KCNQ1: variants seen among roughly 807,000 people sequenced by gnomAD.
KCNQ1 encodes potassium voltage-gated channel subfamily Q member 1.
A neutral mutation model predicts 72.4 loss-of-function variants in KCNQ1; 49 were observed. That is an observed-to-expected ratio of 0.68 (90% CI 0.54 to 0.86). KCNQ1 has a LOEUF of 0.86. Among genes scored for constraint, KCNQ1 ranks in the 40% least tolerant of loss-of-function variants. The pLI, the probability that KCNQ1 is intolerant of heterozygous loss-of-function variation, is 0.00. For synonymous variants in KCNQ1, 450 were observed against 412.6 expected, an observed-to-expected ratio of 1.09 and a Z score of -1.10; for missense variants, 790 against 945.1, an observed-to-expected ratio of 0.84 and a Z score of 2.15.
Position 2,661,601 on chromosome 11 carries a change from C to A in KCNQ1, c.1394-360C>A, listed in dbSNP as rs1033489138. 1.6e-5 allele frequency: 9 copies of A among 579,140 alleles called. No homozygotes were observed. The highest frequency in any genetic ancestry group is 1.1e-4 in the African/African-American group (6 of 53,634). 35.9% of individuals were successfully genotyped at this position (579,140 alleles called of 1,614,324 possible). On this transcript the variant is annotated intron_variant, in intron 10 of 15. Coordinates refer to ENST00000155840, the MANE Select transcript of KCNQ1 (RefSeq NM_000218.3). This position sits in a 1 kb window ranked among gnomAD's most constrained non-coding sequence, Gnocchi z 5.9. ...GTGGGAGCTGTTGTCCCTTACCAGG[C>A]CTGTGCCTGTCACCTCTGTTTTATT...
At position 2,669,745 on chromosome 11, in the gene KCNQ1, C is replaced by T. The variant is rs1850147520; in HGVS notation, c.1514+7664C>T. 5.0e-6 allele frequency: 2 copies of T among 398,500 alleles called. No individual in the cohort carries two copies. Among genetic ancestry groups the T allele is most frequent in the Non-Finnish European group, 8.8e-6 (2 of 226,098 alleles). 24.7% of individuals were successfully genotyped at this position (398,500 alleles called of 1,614,324 possible). On this transcript the variant is annotated intron_variant, in intron 11 of 15. Coordinates refer to ENST00000155840, the MANE Select transcript of KCNQ1 (RefSeq NM_000218.3). This position sits in a 1 kb window ranked among gnomAD's most constrained non-coding sequence, Gnocchi z 5.6. ...CGGGGAAATGCCTGAAAATATTAGC[C>T]AGCATAGAATGTCTCTTTGTGATGG...
At chr11:2,799,094 A>G (rs1847205403) in intron 15 of KCNQ1, among the ~76,000 whole-genome samples, 1 of 152,238 alleles carries the variant, frequency 6.6e-6, no homozygotes, top group Non-Finnish European at 1.5e-5. Flanking sequence ...AACTAGGAAG[A>G]GGACACCAGC....
intron 10 of KCNQ1, chr11:2,615,026 A>G (rs1849038717): frequency 2.5e-6 from 1 of 398,266 alleles, no homozygotes. Context: ...ATCTGTGAAC[A>G]CAGGATGTAT....
At chr11:2,472,015 G>A (rs1846482688) in intron 1 of KCNQ1, among the ~76,000 whole-genome samples, 1 of 150,026 alleles carries the variant, frequency 6.7e-6, no homozygotes, top group African/African-American at 2.5e-5. Flanking sequence ...CATGTGTATA[G>A]GTGTATGTAT....
chr11:2,826,549 G>A lies in KCNQ1; in HGVS notation c.1795-21218G>A, dbSNP rs1057277929. ...CGCCCCCTCCTGCTGCTGCTTCCCC[G>A]AAGGCCTCCCCAGCAGACCTGCAGC... On this transcript the variant is annotated intron_variant, in intron 15 of 15. Coordinates refer to ENST00000155840, the MANE Select transcript of KCNQ1 (RefSeq NM_000218.3). The surrounding 1 kb of genome is among the most constrained non-coding windows in gnomAD (Gnocchi z 4.2). 5.3e-5 allele frequency among the ~76,000 whole-genome samples: 8 copies of A among 152,198 alleles called. No homozygotes were observed. Among genetic ancestry groups the A allele is most frequent in the Non-Finnish European group, 8.8e-5 (6 of 68,028 alleles).
intron 11 of KCNQ1, chr11:2,685,346 G>A: frequency 2.5e-6 from 1 of 398,674 alleles, no homozygotes; most frequent in Admixed American, 4.4e-5. Flanking sequence ...GTCATGGAGG[G>A]TACATGGGCA....
intron 11 of KCNQ1, chr11:2,699,758 G>C: frequency 2.8e-6 from 1 of 358,844 alleles, no homozygotes. Context: ...CCAGAAGAGC[G>C]CCGCGCTGAG....
rs1453918698 is a variant in KCNQ1 at position 2,766,854 on chromosome 11, A to G, written c.1515-1990A>G. ...CTGTATCAGTTACCTATTGTTGCGT[A>G]GCAAACTAGACCTAAATTTAGTGGC... On this transcript the variant is annotated intron_variant, in intron 11 of 15. Coordinates refer to ENST00000155840, the MANE Select transcript of KCNQ1 (RefSeq NM_000218.3). This position sits in a 1 kb window ranked among gnomAD's most constrained non-coding sequence, Gnocchi z 4.4. Among the ~76,000 whole-genome samples, 2 of 152,214 alleles carry G rather than the reference A, an allele frequency of 1.3e-5. No individual in the cohort carries two copies. Among genetic ancestry groups the G allele is most frequent in the Non-Finnish European group, 2.9e-5 (2 of 68,040 alleles).
chr11:2,689,649 C>T (rs1252578994), intron 11 of KCNQ1: 2 of 398,592 alleles, frequency 5.0e-6, no homozygotes, highest in Admixed American at 8.8e-5. Flanking sequence ...GTGCAGAGGT[C>T]ACAAGCCTCC....
chr11:2,838,935 C>T (rs1431606942), intron 15 of KCNQ1, among the ~76,000 whole-genome samples: 1 of 152,188 alleles, frequency 6.6e-6, no homozygotes, highest in Non-Finnish European at 1.5e-5. Context: ...CCTGGGCCCC[C>T]AGCCTGCCCG....
intron 2 of KCNQ1, among the ~76,000 whole-genome samples, chr11:2,545,924 A>C (rs1483485345): frequency 1.3e-5 from 2 of 152,188 alleles, no homozygotes. Flanking sequence ...GTAATCAGTC[A>C]GCTAAAGTTT....
chr11:2,520,386 G>A (rs1037071136), intron 1 of KCNQ1, among the ~76,000 whole-genome samples: 1 of 152,234 alleles, frequency 6.6e-6, no homozygotes, highest in African/African-American at 2.4e-5. Flanking sequence ...ACCCCTTTGG[G>A]AGGGGTCGGG....
At chr11:2,517,027 AC>A (rs982160195) in intron 1 of KCNQ1, among the ~76,000 whole-genome samples, 1 of 151,512 alleles carries the variant, frequency 6.6e-6, no homozygotes, top group African/African-American at 2.4e-5. Context: ...GGCTGTGTTC[AC>A]CCCCCAGGCT....
rs1180292974 is a variant in KCNQ1 at position 2,676,703 on chromosome 11, A to G, written c.1514+14622A>G. 2 of 398,550 alleles carry G rather than the reference A, an allele frequency of 5.0e-6. No homozygotes were observed. The highest frequency in any genetic ancestry group is 8.8e-6 in the Non-Finnish European group (2 of 226,082). 24.7% of individuals were successfully genotyped at this position (398,550 alleles called of 1,614,324 possible). A position where few individuals can be genotyped will look rare whatever the true frequency, so the allele number is the denominator to read the frequency against. On this transcript the variant is annotated intron_variant, in intron 11 of 15. Coordinates refer to ENST00000155840, the MANE Select transcript of KCNQ1 (RefSeq NM_000218.3). The surrounding 1 kb of genome is among the most constrained non-coding windows in gnomAD (Gnocchi z 4.2). ...AGCACTAACTGGACTACAGCCTGGC[A>G]GGAGATAACCAAGTCATATGCATAG... is the stretch of plus-strand genomic sequence containing the variant.
intron 6 of KCNQ1, among the ~76,000 whole-genome samples, chr11:2,576,043 T>C (rs1442573609): frequency 6.6e-6 from 1 of 152,256 alleles, no homozygotes; most frequent in East Asian, 1.9e-4. Context: ...GGACACTTGC[T>C]GTTGGCTTTA....
rs540081118 is a variant in KCNQ1 at position 2,789,299 on chromosome 11, C to G, written c.1794+11262C>G. Among the ~76,000 whole-genome samples, 4 of 152,268 alleles carry G rather than the reference C, an allele frequency of 2.6e-5. No individual in the cohort carries two copies. The South Asian group carries it at 8.3e-4, about 32-fold the overall frequency. On this transcript the variant is annotated intron_variant, in intron 15 of 15. Coordinates refer to ENST00000155840, the MANE Select transcript of KCNQ1 (RefSeq NM_000218.3). ...GTGGGAATTAATGAAAGTAACAACT[C>G]CTGGAAGGGACTCTAGCACTGCCTG...
At position 2,659,356 on chromosome 11, in the gene KCNQ1, T is replaced by C. The variant is rs1282890098; in HGVS notation, c.1394-2605T>C. ...GTCCTATAAATGGGATCCTATAATA[T>C]GTATTCTTTTGCATCTGGCTTCTTT... On this transcript the variant is annotated intron_variant, in intron 10 of 15. Coordinates refer to ENST00000155840, the MANE Select transcript of KCNQ1 (RefSeq NM_000218.3). The surrounding 1 kb of genome is among the most constrained non-coding windows in gnomAD (Gnocchi z 4.3). 5.0e-6 allele frequency: 2 copies of C among 398,528 alleles called. No individual in the cohort carries two copies. Among genetic ancestry groups the C allele is most frequent in the African/African-American group, 2.1e-5 (1 of 48,658 alleles). The allele number at this position is 398,528 out of a possible 1,614,324, so 24.7% of individuals were successfully genotyped here. A position where few individuals can be genotyped will look rare whatever the true frequency, so the allele number is the denominator to read the frequency against.
intron 10 of KCNQ1, chr11:2,632,929 A>G (rs997730274): frequency 2.5e-6 from 1 of 398,482 alleles, no homozygotes; most frequent in East Asian, 3.6e-5. Flanking sequence ...CTTTGAGTCA[A>G]TACCCGGTAG....
Position 2,699,719 on chromosome 11 carries a change from T to TG in KCNQ1, c.1514+37638_1514+37639insG, listed in dbSNP as rs1590040323. The TG allele has an allele frequency of 1.4e-3, 277 of 196,450 alleles. 2 individuals carry two copies. Among genetic ancestry groups the TG allele is most frequent in the Middle Eastern group, 4.8e-3 (4 of 840 alleles). The allele number at this position is 196,450 out of a possible 1,614,324, so 12.2% of individuals were successfully genotyped here. ...CCCCGAGGAGAACGGCGCCGAGGAG[T>TG]CCCCGGGGAGAACTGCGCCGAGGAG... is the stretch of plus-strand genomic sequence containing the variant. On this transcript the variant is annotated intron_variant, in intron 11 of 15. Transcript: ENST00000155840.
Sources: gnomAD v4.1 joint callset for allele counts (sites outside exome capture counted in the v4.1 genomes callset) on GRCh38, gnomAD v4.1.1 for gene constraint, Gnocchi (gnomAD v3.1) non-coding constraint, MANE v1.5 for transcripts, NCBI Gene and HGNC (gene_info 2026-07-23, HGNC 2026-07-21) for gene names.